The following SEMA3C variants were observed in gnomAD, a reference collection of about 807,000 sequenced individuals.
SEMA3C encodes semaphorin-3C.
In SEMA3C, 47 loss-of-function variants were observed where a neutral mutation model predicts 89.4. That is an observed-to-expected ratio of 0.53 (90% CI 0.42 to 0.67). The LOEUF (loss-of-function observed/expected upper bound fraction) is 0.67. Ranked by LOEUF, SEMA3C falls within the 30% of genes least tolerant of loss-of-function variation. The pLI, the probability that SEMA3C is intolerant of heterozygous loss-of-function variation, is 0.00. For synonymous variants in SEMA3C, 310 were observed against 320.2 expected (o/e 0.97, Z 0.34); for missense variants, 839 against 929.1 (o/e 0.90, Z 1.26).
At chr7:80,856,636 A>C (rs2115966488) in intron 2 of SEMA3C, among the ~76,000 whole-genome samples, 1 of 152,146 alleles carries the variant, frequency 6.6e-6, no homozygotes, top group South Asian at 2.1e-4. Flanking sequence ...GGATTAATAA[A>C]CAAATGAGCT....
At position 80,804,317 on chromosome 7, in the gene SEMA3C, C is replaced by G. The variant is rs1161576442; in HGVS notation, c.659-69G>C. 2.6e-6 allele frequency: 3 copies of G among 1,140,368 alleles called. No individual in the cohort carries two copies. The East Asian group carries it at 8.4e-5, about 32-fold the overall frequency. 70.6% of individuals were successfully genotyped at this position (1,140,368 alleles called of 1,614,324 possible). On this transcript the variant is annotated intron_variant, in intron 7 of 17. Coordinates refer to ENST00000265361, the MANE Select transcript of SEMA3C (RefSeq NM_006379.5). The stretch of plus-strand genomic sequence containing the variant: ...ATCCATCTTCTGTCATCCAAGTAGA[C>G]CACAGGCAGATGCCTTCCCCATCTT...
At chr7:80,754,405 G>A (rs181650373) in intron 15 of SEMA3C, among the ~76,000 whole-genome samples, 27 of 152,144 alleles carry the variant, frequency 1.8e-4, no homozygotes, top group Non-Finnish European at 3.5e-4. Context: ...TCCTCTAAGT[G>A]ATCTTCGTGT....
intron 12 of SEMA3C, among the ~76,000 whole-genome samples, chr7:80,778,768 G>A (rs1047144903): frequency 3.3e-5 from 5 of 152,116 alleles, no homozygotes; most frequent in African/African-American, 1.2e-4. Context: ...TACTACCAGG[G>A]CACTCAGCTA....
At chr7:80,814,278 TG>T (rs1448573710) in intron 5 of SEMA3C, among the ~76,000 whole-genome samples, 1 of 151,826 alleles carries the variant, frequency 6.6e-6, no homozygotes, top group Non-Finnish European at 1.5e-5. Flanking sequence ...TTAGTAGAGA[TG>T]GGATTTCACC....
At chr7:80,901,451 T>C (rs777296404) in intron 2 of SEMA3C, among the ~76,000 whole-genome samples, 1 of 152,218 alleles carries the variant, frequency 6.6e-6, no homozygotes, top group South Asian at 2.1e-4. Context: ...ATTGATATTT[T>C]ACACCTGCAA....
chr7:80,834,107 T>C (rs1407394314), intron 2 of SEMA3C, among the ~76,000 whole-genome samples: 1 of 152,152 alleles, frequency 6.6e-6, no homozygotes, highest in Non-Finnish European at 1.5e-5. Flanking sequence ...TAAGGGACTC[T>C]GGCTGAGAGT....
At chr7:80,795,341 AC>A (rs2115624334) in intron 11 of SEMA3C, among the ~76,000 whole-genome samples, 1 of 152,218 alleles carries the variant, frequency 6.6e-6, no homozygotes, top group African/African-American at 2.4e-5. Flanking sequence ...GGTCACTCCT[AC>A]CCTGCCTCTT....
chr7:80,921,901 T>C (rs896524382), upstream of SEMA3C, among the ~76,000 whole-genome samples: 4 of 152,204 alleles, frequency 2.6e-5, no homozygotes, highest in Non-Finnish European at 5.9e-5. Flanking sequence ...CTCCAGGAGT[T>C]TCTGCAGCTA....
intron 2 of SEMA3C, among the ~76,000 whole-genome samples, chr7:80,906,950 T>C (rs149224756): frequency 2.2e-4 from 33 of 152,286 alleles, no homozygotes; most frequent in Non-Finnish European, 3.5e-4. Context: ...GTCAATATAA[T>C]TAAATGAATA....
intron 2 of SEMA3C, among the ~76,000 whole-genome samples, chr7:80,884,646 T>C (rs1009534512): frequency 3.3e-5 from 5 of 152,210 alleles, no homozygotes; most frequent in African/African-American, 1.2e-4. Context: ...TTCACTCTCA[T>C]ACAAACAACG....
intron 12 of SEMA3C, among the ~76,000 whole-genome samples, chr7:80,781,863 A>G (rs1246651196): frequency 6.6e-6 from 1 of 152,182 alleles, no homozygotes; most frequent in African/African-American, 2.4e-5. Context: ...GAGAAACATC[A>G]GGGATTCAGT....
At chr7:80,884,434 T>A (rs1791424728) in intron 2 of SEMA3C, among the ~76,000 whole-genome samples, 1 of 152,166 alleles carries the variant, frequency 6.6e-6, no homozygotes, top group Non-Finnish European at 1.5e-5. Flanking sequence ...CATTAGATAC[T>A]CTGTAAATAT....
At chr7:80,913,270 G>T (rs776854800) in intron 2 of SEMA3C, among the ~76,000 whole-genome samples, 1 of 151,960 alleles carries the variant, frequency 6.6e-6, no homozygotes, top group Non-Finnish European at 1.5e-5. Context: ...GCATGGTGTC[G>T]CACACCTGTA....
intron 11 of SEMA3C, among the ~76,000 whole-genome samples, chr7:80,795,636 A>G (rs1562878476): frequency 6.6e-6 from 1 of 152,230 alleles, no homozygotes; most frequent in Non-Finnish European, 1.5e-5. Flanking sequence ...TTTACTAAAA[A>G]GGGTTTAGTA....
intron 2 of SEMA3C, among the ~76,000 whole-genome samples, chr7:80,904,970 GCTAA>G (rs1187996785): frequency 5.9e-5 from 9 of 151,594 alleles, no homozygotes; most frequent in African/African-American, 1.7e-4. Context: ...GAATCTTAGC[GCTAA>G]CTTTCTAACT....
chr7:80,763,272 C>T (rs1346829332), intron 13 of SEMA3C, among the ~76,000 whole-genome samples: 1 of 152,186 alleles, frequency 6.6e-6, no homozygotes, highest in Non-Finnish European at 1.5e-5. Context: ...GAAAACTTTT[C>T]AATTTAAATG....
At chr7:80,823,193 C>T (rs941665594) in intron 4 of SEMA3C, among the ~76,000 whole-genome samples, 8 of 152,092 alleles carry the variant, frequency 5.3e-5, no homozygotes, top group Non-Finnish European at 1.0e-4. Flanking sequence ...TCTTTAACAG[C>T]GATATAGCAT....
chr7:80,812,500 C>A (rs557255159), intron 5 of SEMA3C, among the ~76,000 whole-genome samples: 2 of 152,106 alleles, frequency 1.3e-5, no homozygotes, highest in African/African-American at 2.4e-5. Flanking sequence ...AGCCTTGTTG[C>A]GGTTCTAGAG....
intron 15 of SEMA3C, among the ~76,000 whole-genome samples, chr7:80,753,757 A>T (rs1321853015): frequency 1.3e-5 from 2 of 152,214 alleles, no homozygotes; most frequent in African/African-American, 4.8e-5. Flanking sequence ...AAAGACATTT[A>T]TTTGAAAATT....
Sources: allele counts gnomAD v4.1 joint callset (sites outside exome capture counted in the v4.1 genomes callset), GRCh38; gene constraint gnomAD v4.1.1; transcripts MANE v1.5; gene names NCBI Gene and HGNC (gene_info 2026-07-23, HGNC 2026-07-21).